Variants in HS3ST5 observed in about 807,000 individuals in gnomAD.
HS3ST5 encodes the protein heparan sulfate-glucosamine 3-sulfotransferase 5, also known as heparan sulfate glucosamine 3-O-sulfotransferase 5.
Under a neutral mutation model 25.4 loss-of-function variants are expected in HS3ST5, and 10 were observed. The ratio of observed to expected loss-of-function variants is 0.39; its 90% CI spans 0.24 to 0.67. The LOEUF is 0.67. Among genes scored for constraint, HS3ST5 ranks in the 30% least tolerant of loss-of-function variants. HS3ST5 has a pLI of 0.44. For synonymous variants in HS3ST5, 170 were observed against 162.4 expected (o/e 1.05, Z -0.36); for missense variants, 324 against 420.7 (o/e 0.77, Z 2.01).
At chr6:114,068,779 C>T (rs547958342) in intron 3 of HS3ST5, among the ~76,000 whole-genome samples, 1 of 152,060 alleles carries the variant, frequency 6.6e-6, no homozygotes, top group Non-Finnish European at 1.5e-5. Flanking sequence ...GCTTGAAGAC[C>T]TACAGTGACA....
At chr6:114,255,323 C>T (rs1772856384) in intron 1 of HS3ST5, among the ~76,000 whole-genome samples, 1 of 152,212 alleles carries the variant, frequency 6.6e-6, no homozygotes, top group African/African-American at 2.4e-5. Context: ...GGAAGCTCCA[C>T]CCCTGTGGCT....
chr6:114,306,263 A>ATG (rs1775291064), intron 1 of HS3ST5, among the ~76,000 whole-genome samples: 1 of 133,966 alleles, frequency 7.5e-6, no homozygotes. Flanking sequence ...ATATACACAC[A>ATG]CACACACACA....
intron 3 of HS3ST5, among the ~76,000 whole-genome samples, chr6:114,068,212 C>T (rs931594754): frequency 6.6e-6 from 1 of 152,044 alleles, no homozygotes; most frequent in Non-Finnish European, 1.5e-5. Flanking sequence ...AGCAAGATGG[C>T]GCATGCATAC....
chr6:114,115,608 A>C (rs767288136), intron 3 of HS3ST5, among the ~76,000 whole-genome samples: 3 of 152,126 alleles, frequency 2.0e-5, no homozygotes, highest in African/African-American at 4.8e-5. Flanking sequence ...CCACAAATGC[A>C]AAAAACATGG....
chr6:114,319,440 G>A (rs924147927), intron 1 of HS3ST5, among the ~76,000 whole-genome samples: 1 of 152,054 alleles, frequency 6.6e-6, no homozygotes, highest in Non-Finnish European at 1.5e-5. Context: ...CAAAGTCTAT[G>A]GCTATGTCTT....
chr6:114,088,425 A>G (rs1774956504), intron 3 of HS3ST5, among the ~76,000 whole-genome samples: 1 of 149,900 alleles, frequency 6.7e-6, no homozygotes, highest in Non-Finnish European at 1.5e-5. Context: ...TTTCTTATCA[A>G]TATCTTATCC....
chr6:114,285,766 A>C (rs1169735782), intron 1 of HS3ST5, among the ~76,000 whole-genome samples: 3 of 151,982 alleles, frequency 2.0e-5, no homozygotes, highest in African/African-American at 7.2e-5. Flanking sequence ...AGCAAACCAC[A>C]TGTTTACCTA....
chr6:114,088,113 C>T (rs748655210), intron 3 of HS3ST5, among the ~76,000 whole-genome samples: 7 of 152,002 alleles, frequency 4.6e-5, no homozygotes, highest in Non-Finnish European at 5.9e-5. Context: ...ATTAATTTCC[C>T]GTTTCTTTTT....
intron 1 of HS3ST5, among the ~76,000 whole-genome samples, chr6:114,276,721 A>C (rs188305270): frequency 2.6e-5 from 4 of 152,074 alleles, no homozygotes; most frequent in African/African-American, 9.6e-5. Flanking sequence ...TCTTTAACTC[A>C]TATTTTATAA....
At chr6:114,325,649 A>G (rs1482950445) in intron 1 of HS3ST5, among the ~76,000 whole-genome samples, 4 of 152,152 alleles carry the variant, frequency 2.6e-5, no homozygotes, top group African/African-American at 9.7e-5. Context: ...TAAGATAAAC[A>G]CACACACAAA....
At chr6:114,316,167 T>C (rs1775738743) in intron 1 of HS3ST5, among the ~76,000 whole-genome samples, 1 of 152,262 alleles carries the variant, frequency 6.6e-6, no homozygotes, top group South Asian at 2.1e-4. Context: ...AATTAGGCCA[T>C]CAGTGAGCAA....
intron 3 of HS3ST5, among the ~76,000 whole-genome samples, chr6:114,115,643 C>T (rs538999872): frequency 2.0e-5 from 3 of 152,230 alleles, no homozygotes; most frequent in South Asian, 2.1e-4. Flanking sequence ...TCCTTCCCCA[C>T]ATTATTTCAA....
In HS3ST5 at chr6:114,099,070, C is replaced by T. The variant is rs143681748; in HGVS notation, c.-32-36193G>A. Among the ~76,000 whole-genome samples, 992 of 152,178 alleles carry T rather than the reference C, an allele frequency of 6.5e-3. 13 individuals carry two copies. The highest frequency in any genetic ancestry group is 0.022 in the African/African-American group (934 of 41,522). ...GCAGTCAAGAGCTGGTCTAGAACTC[C>T]TGATAGATAGGCAAAGATCTCTGAG... On this transcript the variant is annotated intron_variant, in intron 3 of 4. Coordinates refer to ENST00000312719, the MANE Select transcript of HS3ST5 (RefSeq NM_153612.4).
chr6:114,057,084 TAAA>T lies in HS3ST5; in HGVS notation c.*170_*172del. On this transcript the variant is annotated 3_prime_UTR_variant, in exon 5 of 5. Coordinates refer to ENST00000312719, the MANE Select transcript of HS3ST5 (RefSeq NM_153612.4). ...GCAGACAGCAATTTTTTTTTTTTCG[TAAA>T]TTTTCAGTAGAAAAAGAACTGATCT... 1.9e-6 allele frequency: 1 copy of T among 523,852 alleles called. No individual in the cohort carries two copies. The highest frequency in any genetic ancestry group is 3.3e-6 in the Non-Finnish European group (1 of 306,580). 32.5% of individuals were successfully genotyped at this position (523,852 alleles called of 1,614,324 possible).
intron 1 of HS3ST5, among the ~76,000 whole-genome samples, chr6:114,280,067 C>G (rs1774037988): frequency 1.3e-5 from 2 of 150,480 alleles, no homozygotes. Context: ...GGGAGGGCTT[C>G]CCAAAGAAGT....
At chr6:114,243,249 G>A (rs558095580) in intron 1 of HS3ST5, among the ~76,000 whole-genome samples, 4 of 152,286 alleles carry the variant, frequency 2.6e-5, no homozygotes, top group East Asian at 1.9e-4. Context: ...TGTATGTTGC[G>A]GAGATTTTGT....
At chr6:114,338,773 A>G (rs941237432) in intron 1 of HS3ST5, among the ~76,000 whole-genome samples, 9 of 152,128 alleles carry the variant, frequency 5.9e-5, no homozygotes, top group Admixed American at 5.9e-4. Context: ...TTTGTCAACA[A>G]TTAAATTAGA....
intron 2 of HS3ST5, among the ~76,000 whole-genome samples, chr6:114,195,558 T>C (rs917845181): frequency 1.3e-5 from 2 of 152,176 alleles, no homozygotes; most frequent in African/African-American, 4.8e-5. Flanking sequence ...CAGGATTCTA[T>C]CTGTTTTATA....
At chr6:114,145,246 A>C (rs184599768) in intron 3 of HS3ST5, among the ~76,000 whole-genome samples, 4 of 152,318 alleles carry the variant, frequency 2.6e-5, no homozygotes, top group Admixed American at 2.6e-4. Flanking sequence ...CACAGCTCAA[A>C]GACTGCCTTG....
Sources: allele counts gnomAD v4.1 joint callset (sites outside exome capture counted in the v4.1 genomes callset), GRCh38; gene constraint gnomAD v4.1.1; transcripts MANE v1.5; gene names NCBI Gene and HGNC (gene_info 2026-07-23, HGNC 2026-07-21).